MAF: variants seen among roughly 807,000 people sequenced by gnomAD.
The protein encoded by MAF is MAF bZIP transcription factor.
Under a neutral mutation model 22.0 loss-of-function variants are expected in MAF, and 10 were observed. The observed-to-expected ratio is 0.45, with a 90% CI of 0.28 to 0.77. The LOEUF is 0.77. Ranked by LOEUF, MAF falls within the 30% of genes least tolerant of loss-of-function variation. MAF has a pLI of 0.12. For synonymous variants in MAF, 337 were observed against 255.8 expected, an observed-to-expected ratio of 1.32 and a Z score of -3.03; for missense variants, 544 against 548.4, an observed-to-expected ratio of 0.99 and a Z score of 0.08.
At chr16:79,515,645 G>C in the MAF span, among the ~76,000 whole-genome samples, 1 of 152,152 alleles carries the variant, frequency 6.6e-6, no homozygotes, top group African/African-American at 2.4e-5. Context: ...AAGTTGAGAA[G>C]CGTCTGTATT....
At chr16:79,391,632 GT>G in the MAF span, among the ~76,000 whole-genome samples, 1 of 152,158 alleles carries the variant, frequency 6.6e-6, no homozygotes. Flanking sequence ...ATGAGTTCAG[GT>G]CCCCCCGGGG....
the MAF span, among the ~76,000 whole-genome samples, chr16:79,512,852 T>C: frequency 6.6e-6 from 1 of 152,148 alleles, no homozygotes; most frequent in Non-Finnish European, 1.5e-5. Flanking sequence ...CCCAGGGCCG[T>C]GGGCAGCACA....
the MAF span, among the ~76,000 whole-genome samples, chr16:79,545,848 A>G: frequency 6.6e-6 from 1 of 152,194 alleles, no homozygotes; most frequent in African/African-American, 2.4e-5. Context: ...ACTATAGTTA[A>G]TAACAATGTA....
chr16:79,284,289 A>T, the MAF span, among the ~76,000 whole-genome samples: 4 of 152,194 alleles, frequency 2.6e-5, no homozygotes, highest in Non-Finnish European at 2.9e-5. Context: ...TCTTTCTGCC[A>T]TATGCATTCT....
chr16:79,220,507 AATGCCTTT>A, the MAF span, among the ~76,000 whole-genome samples: 3 of 152,194 alleles, frequency 2.0e-5, no homozygotes, highest in African/African-American at 7.2e-5. Context: ...AAAATAATTT[AATGCCTTT>A]ATGATCCTGT....
At chr16:79,281,523 T>C in the MAF span, among the ~76,000 whole-genome samples, 1 of 151,220 alleles carries the variant, frequency 6.6e-6, no homozygotes, top group Non-Finnish European at 1.5e-5. Flanking sequence ...TCAAGCACCT[T>C]GAGAAAGCTC....
the MAF span, among the ~76,000 whole-genome samples, chr16:79,564,280 T>G: frequency 2.6e-4 from 39 of 152,356 alleles, no homozygotes; most frequent in Non-Finnish European, 1.2e-4. Flanking sequence ...GTGCCTGCCT[T>G]GCTGGAAGAC....
At chr16:79,221,811 C>T in the MAF span, among the ~76,000 whole-genome samples, 1 of 150,046 alleles carries the variant, frequency 6.7e-6, no homozygotes, top group African/African-American at 2.5e-5. Flanking sequence ...AATTCAAAAA[C>T]CGCATGAACA....
the MAF span, among the ~76,000 whole-genome samples, chr16:79,485,345 C>A: frequency 1.3e-5 from 2 of 152,244 alleles, no homozygotes; most frequent in African/African-American, 4.8e-5. Context: ...GATTGGCACA[C>A]AGGAAGTACT....
chr16:79,558,719 C>A, the MAF span, among the ~76,000 whole-genome samples: 4 of 152,258 alleles, frequency 2.6e-5, no homozygotes, highest in African/African-American at 9.6e-5. Context: ...CTTTCTAAGC[C>A]TTACTACCCA....
chr16:79,548,263 G>A, the MAF span, among the ~76,000 whole-genome samples: 1 of 152,054 alleles, frequency 6.6e-6, no homozygotes, highest in Non-Finnish European at 1.5e-5. Flanking sequence ...GATGTTTAAA[G>A]TCTTTATTCA....
At chr16:79,488,170 C>G in the MAF span, among the ~76,000 whole-genome samples, 1 of 152,336 alleles carries the variant, frequency 6.6e-6, no homozygotes, top group African/African-American at 2.4e-5. Context: ...GAAGAGCACG[C>G]AGAGGGAGAG....
the MAF span, among the ~76,000 whole-genome samples, chr16:79,272,462 T>A: frequency 1.3e-5 from 2 of 152,030 alleles, no homozygotes; most frequent in African/African-American, 2.4e-5. Flanking sequence ...AAGACATCAG[T>A]GGAGGGGGAG....
the MAF span, among the ~76,000 whole-genome samples, chr16:79,370,640 C>T: frequency 4.8e-4 from 73 of 152,320 alleles, no homozygotes; most frequent in African/African-American, 1.7e-3. Flanking sequence ...CCATCCCTTC[C>T]ACTAGCTCAT....
At chr16:79,447,031 T>A in the MAF span, among the ~76,000 whole-genome samples, 4 of 152,102 alleles carry the variant, frequency 2.6e-5, no homozygotes, top group Admixed American at 1.3e-4. Context: ...ATAAATTGGG[T>A]GTATTCAAAA....
chr16:79,212,820 A>C, the MAF span: 1 of 152,114 alleles, frequency 6.6e-6, no homozygotes, highest in Non-Finnish European at 1.5e-5. Context: ...TTCTTCTCTG[A>C]GTGAGTTTGT....
At chr16:79,392,567 G>T in the MAF span, among the ~76,000 whole-genome samples, 1 of 152,068 alleles carries the variant, frequency 6.6e-6, no homozygotes, top group Admixed American at 6.5e-5. Flanking sequence ...GGAACCAGCT[G>T]TAATAGGCCA....
At chr16:79,551,884 T>C in the MAF span, among the ~76,000 whole-genome samples, 1 of 152,152 alleles carries the variant, frequency 6.6e-6, no homozygotes, top group African/African-American at 2.4e-5. Flanking sequence ...ATCTGCTCTC[T>C]GGCCCTCTAT....
chr16:79,383,961 G>C, the MAF span, among the ~76,000 whole-genome samples: 7 of 152,122 alleles, frequency 4.6e-5, no homozygotes, highest in South Asian at 6.2e-4. Flanking sequence ...AAAGCCACTT[G>C]TGAAAAAGTC....
Sources: gnomAD v4.1 joint callset for allele counts (sites outside exome capture counted in the v4.1 genomes callset) on GRCh38, gnomAD v4.1.1 for gene constraint, MANE v1.5 for transcripts, NCBI Gene and HGNC (gene_info 2026-07-23, HGNC 2026-07-21) for gene names.